The following KCNH7 variants were observed in gnomAD, a reference collection of about 807,000 sequenced individuals.
The protein encoded by KCNH7 is voltage-gated inwardly rectifying potassium channel KCNH7.
Under a neutral mutation model 120.8 loss-of-function variants are expected in KCNH7, and 49 were observed. The observed-to-expected ratio is 0.41, with a 90% CI of 0.32 to 0.51. The LOEUF (loss-of-function observed/expected upper bound fraction) is 0.51, where lower values mean the gene tolerates loss of function less well. KCNH7 is among the 20% of genes least tolerant of loss of function. The pLI, the probability that KCNH7 is intolerant of heterozygous loss-of-function variation, is 0.38. For synonymous variants in KCNH7, 547 were observed against 516.1 expected (o/e 1.06, Z -0.81); for missense variants, 1,097 against 1,446.6 (o/e 0.76, Z 3.92).
intron 9 of KCNH7, among the ~76,000 whole-genome samples, chr2:162,407,686 C>T (rs1424474904): frequency 2.6e-5 from 4 of 151,970 alleles, no homozygotes; most frequent in Admixed American, 6.6e-5. Context: ...GTCAGGACCT[C>T]TCCTCCTTGC....
chr2:162,806,156 G>C (rs1197035879), intron 2 of KCNH7, among the ~76,000 whole-genome samples: 1 of 152,008 alleles, frequency 6.6e-6, no homozygotes, highest in Non-Finnish European at 1.5e-5. Flanking sequence ...TGGGTAATAG[G>C]TGCACTAAAA....
At chr2:162,568,563 T>C (rs529299329) in intron 2 of KCNH7, among the ~76,000 whole-genome samples, 1 of 152,026 alleles carries the variant, frequency 6.6e-6, no homozygotes, top group African/African-American at 2.4e-5. Flanking sequence ...TGAGGTAAAG[T>C]TGAGTGACAT....
At chr2:162,790,783 T>A (rs1032532699) in intron 2 of KCNH7, among the ~76,000 whole-genome samples, 58 of 152,024 alleles carry the variant, frequency 3.8e-4, no homozygotes, top group African/African-American at 1.3e-3. Context: ...AATTCACAAC[T>A]CTTTCATAAT....
intron 6 of KCNH7, among the ~76,000 whole-genome samples, chr2:162,459,433 T>C (rs538530362): frequency 2.6e-5 from 4 of 152,300 alleles, no homozygotes; most frequent in Admixed American, 2.0e-4. Flanking sequence ...CTAGAATGTG[T>C]CTGCCTTGTC....
At chr2:162,688,833 T>C (rs535003472) in intron 2 of KCNH7, among the ~76,000 whole-genome samples, 49 of 151,978 alleles carry the variant, frequency 3.2e-4, no homozygotes, top group African/African-American at 1.1e-3. Flanking sequence ...TGGTCTTGTC[T>C]CCCAGAGTTT....
At chr2:162,762,857 A>C (rs997271423) in intron 2 of KCNH7, among the ~76,000 whole-genome samples, 1 of 152,116 alleles carries the variant, frequency 6.6e-6, no homozygotes, top group Non-Finnish European at 1.5e-5. Flanking sequence ...GGGAGGTATG[A>C]GTCTTAATCT....
chr2:162,547,391 C>G (rs1190264568), intron 2 of KCNH7, among the ~76,000 whole-genome samples: 1 of 152,154 alleles, frequency 6.6e-6, no homozygotes, highest in East Asian at 1.9e-4. Flanking sequence ...TGTGGAAACA[C>G]TGACTCCAGG....
At chr2:162,782,691 G>C (rs1683544550) in intron 2 of KCNH7, among the ~76,000 whole-genome samples, 1 of 152,174 alleles carries the variant, frequency 6.6e-6, no homozygotes, top group Admixed American at 6.5e-5. Context: ...TGAGTATCAA[G>C]AAAAGCAATG....
At chr2:162,485,511 C>A (rs1436229964) in intron 6 of KCNH7, among the ~76,000 whole-genome samples, 1 of 151,990 alleles carries the variant, frequency 6.6e-6, no homozygotes, top group Non-Finnish European at 1.5e-5. Context: ...TGTCCAGTTG[C>A]TAAAATTAAA....
chr2:162,648,882 T>C (rs1481472628), intron 2 of KCNH7, among the ~76,000 whole-genome samples: 3 of 152,182 alleles, frequency 2.0e-5, no homozygotes, highest in Admixed American at 6.6e-5. Flanking sequence ...GGGAAGATAC[T>C]TCTCTTAAGT....
chr2:162,665,492 C>T (rs1336113738), intron 2 of KCNH7, among the ~76,000 whole-genome samples: 1 of 151,944 alleles, frequency 6.6e-6, no homozygotes, highest in Non-Finnish European at 1.5e-5. Flanking sequence ...ATGTTTGGCA[C>T]CAAAAATGTG....
chr2:162,667,625 T>G (rs1170347105), intron 2 of KCNH7, among the ~76,000 whole-genome samples: 1 of 152,216 alleles, frequency 6.6e-6, no homozygotes, highest in East Asian at 1.9e-4. Context: ...ACCCTTCCCC[T>G]TTGAATGAGT....
intron 4 of KCNH7, 110 bp downstream of exon 4, chr2:162,517,620 C>A: frequency 2.1e-6 from 2 of 946,570 alleles, no homozygotes; most frequent in Non-Finnish European, 3.0e-6. Context: ...CCTTTAATCA[C>A]ATTTCTTTCC....
intron 9 of KCNH7, among the ~76,000 whole-genome samples, chr2:162,422,208 T>C (rs1199551538): frequency 1.3e-5 from 2 of 152,196 alleles, no homozygotes; most frequent in Non-Finnish European, 2.9e-5. Flanking sequence ...ACAGCTATGA[T>C]AAACTTATCC....
At chr2:162,438,261 TAAG>T (rs2105530148) in intron 7 of KCNH7, among the ~76,000 whole-genome samples, 1 of 152,288 alleles carries the variant, frequency 6.6e-6, no homozygotes, top group African/African-American at 2.4e-5. Flanking sequence ...GATGTTATGA[TAAG>T]AAGAGCAATG....
chr2:162,404,106 A>G (rs1246765249), intron 9 of KCNH7, among the ~76,000 whole-genome samples: 1 of 151,832 alleles, frequency 6.6e-6, no homozygotes, highest in Non-Finnish European at 1.5e-5. Flanking sequence ...AGATACTGGC[A>G]TTTTACCAGT....
At chr2:162,760,932 G>T (rs541561470) in intron 2 of KCNH7, among the ~76,000 whole-genome samples, 19 of 152,146 alleles carry the variant, frequency 1.2e-4, no homozygotes, top group African/African-American at 4.3e-4. Context: ...CATTATTTAC[G>T]TGTAGAATAG....
At chr2:162,475,324 C>T (rs183819292) in intron 6 of KCNH7, among the ~76,000 whole-genome samples, 138 of 152,252 alleles carry the variant, frequency 9.1e-4, no homozygotes, top group African/African-American at 3.2e-3. Context: ...CAATAATAAT[C>T]AGTTGTCTCA....
chr2:162,477,941 AACTTAGTC>A (rs139592446), intron 6 of KCNH7, among the ~76,000 whole-genome samples: 21,120 of 152,032 alleles, frequency 0.14, 1,802 homozygotes, highest in East Asian at 0.26. Flanking sequence ...GTCCTCATGG[AACTTAGTC>A]ACTAGTGGGG....
Sources: allele counts gnomAD v4.1 joint callset (sites outside exome capture counted in the v4.1 genomes callset), GRCh38; gene constraint gnomAD v4.1.1; transcripts MANE v1.5; gene names NCBI Gene and HGNC (gene_info 2026-07-23, HGNC 2026-07-21).